Variants in SDK1 observed in about 807,000 individuals in gnomAD.
SDK1 encodes the protein protein sidekick-1.
A neutral mutation model predicts 245.5 loss-of-function variants in SDK1; 157 were observed. The observed-to-expected ratio is 0.64, with a 90% CI of 0.56 to 0.73. SDK1 has a LOEUF of 0.73. SDK1 is among the 30% of genes least tolerant of loss of function. The pLI, the probability that SDK1 is intolerant of heterozygous loss-of-function variation, is 0.00. For missense variants in SDK1, 3,583 were observed against 3,002.3 expected (o/e 1.19, Z -4.52); for synonymous variants, 1,647 against 1,278.5 (o/e 1.29, Z -6.15).
chr7:3,926,051 C>T (rs547903471), intron 5 of SDK1, among the ~76,000 whole-genome samples: 201 of 152,296 alleles, frequency 1.3e-3, no homozygotes, highest in African/African-American at 4.7e-3. Flanking sequence ...TGAGTGACTT[C>T]AGGGAAATCA....
intron 1 of SDK1, among the ~76,000 whole-genome samples, chr7:3,615,589 C>G (rs936370991): frequency 1.6e-4 from 24 of 151,688 alleles, no homozygotes; most frequent in African/African-American, 5.3e-4. Context: ...ATTCTCAATG[C>G]TGATTACAGA....
intron 40 of SDK1, among the ~76,000 whole-genome samples, chr7:4,230,947 A>G (rs1406429770): frequency 3.9e-5 from 6 of 152,128 alleles, no homozygotes; most frequent in Non-Finnish European, 8.8e-5. Context: ...TCCCTGATGG[A>G]TGGCACAGGG....
chr7:4,196,740 AC>A, intron 35 of SDK1, among the ~76,000 whole-genome samples: 1 of 152,176 alleles, frequency 6.6e-6, no homozygotes, highest in East Asian at 1.9e-4. Context: ...TAGACCATGC[AC>A]CACGTGAGGA....
chr7:4,144,698 G>A (rs1031430717), intron 28 of SDK1, among the ~76,000 whole-genome samples: 4 of 152,094 alleles, frequency 2.6e-5, no homozygotes, highest in African/African-American at 9.7e-5. Context: ...AGAGGCTGAG[G>A]GCAGGGGGCA....
intron 5 of SDK1, among the ~76,000 whole-genome samples, chr7:3,949,152 G>A (rs1317318042): frequency 6.6e-6 from 1 of 152,172 alleles, no homozygotes; most frequent in African/African-American, 2.4e-5. Flanking sequence ...GAGAAGCTTC[G>A]AGGGTCCGCT....
intron 4 of SDK1, among the ~76,000 whole-genome samples, chr7:3,796,901 A>T (rs988632845): frequency 2.0e-5 from 3 of 152,284 alleles, no homozygotes; most frequent in African/African-American, 7.2e-5. Flanking sequence ...AAGTAAGTTC[A>T]AATGTAGCAA....
intron 4 of SDK1, among the ~76,000 whole-genome samples, chr7:3,672,826 A>T (rs1277596202): frequency 3.9e-4 from 51 of 130,168 alleles, no homozygotes; most frequent in African/African-American, 1.5e-3. Context: ...GTATGCACAG[A>T]TCACACTTTT....
chr7:3,968,336 G>A (rs1376400343), intron 10 of SDK1, among the ~76,000 whole-genome samples: 3 of 152,336 alleles, frequency 2.0e-5, no homozygotes, highest in Non-Finnish European at 2.9e-5. Flanking sequence ...TCCTGAACAA[G>A]TCTGTGCTTA....
chr7:4,238,847 C>T (rs1007903021), intron 42 of SDK1, among the ~76,000 whole-genome samples: 15 of 151,990 alleles, frequency 9.9e-5, no homozygotes, highest in Non-Finnish European at 1.9e-4. Context: ...CGCGCCCTGC[C>T]GAGATCCTGT....
intron 2 of SDK1, among the ~76,000 whole-genome samples, chr7:3,623,527 C>T (rs986981459): frequency 1.9e-4 from 29 of 152,180 alleles, no homozygotes; most frequent in Non-Finnish European, 3.1e-4. Flanking sequence ...AGGTGTGAGC[C>T]GCTGCACCCG....
intron 4 of SDK1, among the ~76,000 whole-genome samples, chr7:3,784,966 C>T (rs915704422): frequency 7.2e-5 from 11 of 152,170 alleles, no homozygotes; most frequent in African/African-American, 2.7e-4. Flanking sequence ...AGTCCATCAG[C>T]AGATAACTGG....
At chr7:4,168,983 A>G (rs1208529475) in intron 32 of SDK1, among the ~76,000 whole-genome samples, 1 of 152,222 alleles carries the variant, frequency 6.6e-6, no homozygotes, top group East Asian at 1.9e-4. Flanking sequence ...TGGGTGGACC[A>G]GGAGCCTTGG....
At chr7:3,569,395 A>C (rs1780036047) in intron 1 of SDK1, among the ~76,000 whole-genome samples, 1 of 152,212 alleles carries the variant, frequency 6.6e-6, no homozygotes, top group Non-Finnish European at 1.5e-5. Context: ...AAGGTTCATG[A>C]GATAATCTCT....
intron 3 of SDK1, among the ~76,000 whole-genome samples, chr7:3,640,694 TC>T (rs1169532561): frequency 6.6e-6 from 1 of 152,088 alleles, no homozygotes; most frequent in African/African-American, 2.4e-5. Context: ...TTTTTTTTTT[TC>T]TTTTTTGAGA....
At position 3,457,056 on chromosome 7, in the gene SDK1, A is replaced by G. The variant is rs551321472; in HGVS notation, c.298+155172A>G. On this transcript the variant is annotated intron_variant, in intron 1 of 44. Coordinates refer to ENST00000404826, the MANE Select transcript of SDK1 (RefSeq NM_152744.4). The stretch of plus-strand genomic sequence containing the variant: ...GCTGCCTGGGAACTTTAATGGGGGA[A>G]GGGAGTCTGGAAAGAAGTGCTTCTG... Among the ~76,000 whole-genome samples, 137 of 152,258 alleles carry G rather than the reference A, an allele frequency of 9.0e-4. 1 individual carries two copies. Among genetic ancestry groups the G allele is most frequent in the African/African-American group, 3.1e-3 (127 of 41,550 alleles).
At chr7:4,263,552 T>G (rs867851058) in intron 44 of SDK1, among the ~76,000 whole-genome samples, 44 of 71,552 alleles carry the variant, frequency 6.1e-4, no homozygotes, top group African/African-American at 2.5e-3. Flanking sequence ...GCCTCCTGAG[T>G]GGGGAGGCCG....
intron 4 of SDK1, among the ~76,000 whole-genome samples, chr7:3,691,314 G>T (rs1399755126): frequency 4.6e-5 from 7 of 152,292 alleles, no homozygotes; most frequent in African/African-American, 1.7e-4. Flanking sequence ...ATAGGAAGAG[G>T]TCAGGGCTCT....
intron 5 of SDK1, among the ~76,000 whole-genome samples, chr7:3,823,223 G>C (rs975692103): frequency 6.6e-6 from 1 of 152,168 alleles, no homozygotes; most frequent in African/African-American, 2.4e-5. Context: ...ATAAAGAATG[G>C]AAATTGTATT....
At chr7:4,130,750 T>TAAAG (rs2128198878) in intron 27 of SDK1, among the ~76,000 whole-genome samples, 1 of 152,288 alleles carries the variant, frequency 6.6e-6, no homozygotes, top group South Asian at 2.1e-4. Flanking sequence ...GTCAAACACA[T>TAAAG]AAAGGTTAGC....
Sources: allele counts gnomAD v4.1 joint callset (sites outside exome capture counted in the v4.1 genomes callset), GRCh38; gene constraint gnomAD v4.1.1; transcripts MANE v1.5; gene names NCBI Gene and HGNC (gene_info 2026-07-23, HGNC 2026-07-21).